The following CAMK2D variants were observed in gnomAD, a reference collection of about 807,000 sequenced individuals.
CAMK2D encodes calcium/calmodulin-dependent protein kinase type II subunit delta.
In CAMK2D, 37 loss-of-function variants were observed where a neutral mutation model predicts 84.0. The ratio of observed to expected loss-of-function variants is 0.44; its 90% CI spans 0.34 to 0.58. The LOEUF is 0.58. Among genes scored for constraint, CAMK2D ranks in the 20% least tolerant of loss-of-function variants. The pLI is 0.02. For synonymous variants in CAMK2D, 202 were observed against 212.5 expected, an observed-to-expected ratio of 0.95 and a Z score of 0.43; for missense variants, 448 against 652.5, an observed-to-expected ratio of 0.69 and a Z score of 3.41.
intron 4 of CAMK2D, among the ~76,000 whole-genome samples, chr4:113,577,756 A>ATTT (rs36039505): frequency 0.023 from 3,466 of 148,074 alleles, 121 homozygotes; most frequent in African/African-American, 0.08. Context: ...TTCGTATACT[A>ATTT]TTTTTTTTTT....
chr4:113,752,241 A>T (rs990300516), intron 2 of CAMK2D, among the ~76,000 whole-genome samples: 1 of 151,354 alleles, frequency 6.6e-6, no homozygotes, highest in Non-Finnish European at 1.5e-5. Context: ...TGATATAATT[A>T]TATATATCAA....
intron 4 of CAMK2D, among the ~76,000 whole-genome samples, chr4:113,587,348 A>G (rs17592721): frequency 0.082 from 12,503 of 152,264 alleles, 890 homozygotes; most frequent in East Asian, 0.19. Flanking sequence ...GTAATTTCAC[A>G]TGCTGATAAA....
At chr4:113,566,404 T>A (rs1484175555) in intron 4 of CAMK2D, among the ~76,000 whole-genome samples, 1 of 152,216 alleles carries the variant, frequency 6.6e-6, no homozygotes, top group Admixed American at 6.5e-5. Context: ...TTTCTTTGAC[T>A]CCTCCAATAT....
chr4:113,587,862 C>T (rs1407778262), intron 4 of CAMK2D, among the ~76,000 whole-genome samples: 4 of 151,994 alleles, frequency 2.6e-5, no homozygotes, highest in East Asian at 1.9e-4. Flanking sequence ...GCATACCCTT[C>T]GAAAAAGTCT....
chr4:113,564,736 G>A (rs1400530192), intron 4 of CAMK2D, among the ~76,000 whole-genome samples: 1 of 152,104 alleles, frequency 6.6e-6, no homozygotes, highest in African/African-American at 2.4e-5. Context: ...GGAACTACGG[G>A]TATTTTTTAT....
At chr4:113,719,342 C>T (rs1306477195) in intron 2 of CAMK2D, among the ~76,000 whole-genome samples, 1 of 152,142 alleles carries the variant, frequency 6.6e-6, no homozygotes, top group Non-Finnish European at 1.5e-5. Context: ...TGCTTTAACC[C>T]AGTAACCTGA....
intron 2 of CAMK2D, among the ~76,000 whole-genome samples, chr4:113,753,113 A>G (rs1017336212): frequency 1.3e-5 from 2 of 152,066 alleles, no homozygotes; most frequent in African/African-American, 4.8e-5. Flanking sequence ...CTTATCACTT[A>G]CTAATTTTGA....
intron 3 of CAMK2D, 98 bp downstream of exon 3, chr4:113,661,615 T>G (rs756353476): frequency 1.1e-4 from 60 of 554,900 alleles, no homozygotes; most frequent in Admixed American, 3.5e-4. Context: ...TTTTTAAAAG[T>G]TATAAATATT....
intron 3 of CAMK2D, among the ~76,000 whole-genome samples, chr4:113,649,511 A>G (rs966669752): frequency 6.6e-6 from 1 of 152,130 alleles, no homozygotes; most frequent in Non-Finnish European, 1.5e-5. Context: ...TCTTCAGTCC[A>G]ATCCCTACAA....
chr4:113,514,022 G>T, intron 10 of CAMK2D, 109 bp from the exon 11 acceptor site: 1 of 531,446 alleles, frequency 1.9e-6, no homozygotes, highest in Non-Finnish European at 3.3e-6. Context: ...GCACCTGCAG[G>T]ATCAACTTCT....
At chr4:113,735,105 A>G (rs1294754270) in intron 2 of CAMK2D, among the ~76,000 whole-genome samples, 2 of 151,752 alleles carry the variant, frequency 1.3e-5, no homozygotes, top group African/African-American at 4.8e-5. Flanking sequence ...GATAGCATAT[A>G]AGAGCCCAGT....
chr4:113,519,467 A>T (rs1057332912), intron 8 of CAMK2D, among the ~76,000 whole-genome samples: 1 of 152,160 alleles, frequency 6.6e-6, no homozygotes, highest in Non-Finnish European at 1.5e-5. Context: ...ACTTTAAATA[A>T]AATAATAGCA....
At chr4:113,646,279 GC>G (rs1171240396) in intron 3 of CAMK2D, among the ~76,000 whole-genome samples, 1 of 152,154 alleles carries the variant, frequency 6.6e-6, no homozygotes, top group African/African-American at 2.4e-5. Flanking sequence ...AACTCCTATA[GC>G]ATGTATTTAT....
chr4:113,759,206 G>A (rs1474675314), intron 2 of CAMK2D, 114 bp downstream of exon 2: 2 of 574,806 alleles, frequency 3.5e-6, no homozygotes, highest in African/African-American at 3.8e-5. Context: ...TATATAATAT[G>A]ATACCTAAGT....
chr4:113,459,638 CTTT>C (rs35827287), intron 18 of CAMK2D, among the ~76,000 whole-genome samples: 1 of 133,410 alleles, frequency 7.5e-6, no homozygotes, highest in Non-Finnish European at 1.6e-5. Context: ...ATCAACATTA[CTTT>C]TTTTTTTTTT....
At chr4:113,720,711 G>GAA (rs58720804) in intron 2 of CAMK2D, among the ~76,000 whole-genome samples, 30,543 of 150,852 alleles carry the variant, frequency 0.2, 6,090 homozygotes, top group African/African-American at 0.52. Flanking sequence ...CATAATCACA[G>GAA]AAAAAAAAAT....
chr4:113,713,189 C>T (rs2099499610), intron 2 of CAMK2D, among the ~76,000 whole-genome samples: 1 of 151,820 alleles, frequency 6.6e-6, no homozygotes, highest in Admixed American at 6.6e-5. Context: ...CCTGAATGAC[C>T]AACTCTGTAC....
intron 16 of CAMK2D, among the ~76,000 whole-genome samples, chr4:113,481,537 T>C (rs1457081699): frequency 6.6e-6 from 1 of 152,192 alleles, no homozygotes; most frequent in Non-Finnish European, 1.5e-5. Flanking sequence ...TGGAGTGCAG[T>C]GGTGCCATCT....
chr4:113,685,067 G>GAGTA (rs2099355782), intron 2 of CAMK2D, among the ~76,000 whole-genome samples: 1 of 152,132 alleles, frequency 6.6e-6, no homozygotes, highest in Non-Finnish European at 1.5e-5. Context: ...CACCTGGAGA[G>GAGTA]AGTAAACCAA....
Sources: gnomAD v4.1 joint callset for allele counts (sites outside exome capture counted in the v4.1 genomes callset) on GRCh38, gnomAD v4.1.1 for gene constraint, MANE v1.5 for transcripts, NCBI Gene and HGNC (gene_info 2026-07-23, HGNC 2026-07-21) for gene names.